The following ZC3H12B variants were observed in gnomAD, a reference collection of about 807,000 sequenced individuals.
ZC3H12B encodes the protein zinc finger CCCH-type containing 12B.
Under a neutral mutation model 43.9 loss-of-function variants are expected in ZC3H12B, and 7 were observed. That is an observed-to-expected ratio of 0.16 (90% confidence interval 0.09 to 0.30). ZC3H12B has a LOEUF of 0.30. Among genes scored for constraint, ZC3H12B ranks in the 10% least tolerant of loss-of-function variants. The pLI, the probability that ZC3H12B is intolerant of heterozygous loss-of-function variation, is 1.00. For synonymous variants in ZC3H12B, 222 were observed against 241.7 expected (o/e 0.92, Z 0.76); for missense variants, 475 against 670.2 (o/e 0.71, Z 3.22).
chrX:65,278,998 A>G, the ZC3H12B span, among the ~76,000 whole-genome samples: 2 of 107,048 alleles, frequency 1.9e-5, no homozygotes, highest in Middle Eastern at 4.2e-3. Flanking sequence ...TTATGGCTGC[A>G]TAGTATTCTA....
the ZC3H12B span, among the ~76,000 whole-genome samples, chrX:65,181,200 A>G: frequency 8.9e-6 from 1 of 112,157 alleles, no homozygotes; most frequent in Non-Finnish European, 1.9e-5. Flanking sequence ...GGCTAGCTAT[A>G]TGCAGAAAAC....
chrX:65,215,501 C>A, the ZC3H12B span, among the ~76,000 whole-genome samples: 8 of 110,472 alleles, frequency 7.2e-5, no homozygotes, highest in Admixed American at 1.9e-4. Flanking sequence ...AACTTTTCTT[C>A]CTCACCTCTC....
the ZC3H12B span, among the ~76,000 whole-genome samples, chrX:65,128,011 G>A: frequency 2.7e-5 from 3 of 111,914 alleles, no homozygotes; most frequent in African/African-American, 9.7e-5. Context: ...GGAGCCTGTA[G>A]CAGTGACCTA....
chrX:65,250,772 G>T, the ZC3H12B span, among the ~76,000 whole-genome samples: 1 of 111,451 alleles, frequency 9.0e-6, no homozygotes, highest in East Asian at 2.8e-4. Flanking sequence ...TTGCCCACTT[G>T]TTGATGGGGT....
At chrX:65,387,597 T>G (rs1163137981) in intron 2 of ZC3H12B, among the ~76,000 whole-genome samples, 1 of 112,183 alleles carries the variant, frequency 8.9e-6, no homozygotes, top group Non-Finnish European at 1.9e-5. Flanking sequence ...TTTATCCAAT[T>G]TGGCAGTCTG....
chrX:65,434,094 G>A (rs781590126), intron 3 of ZC3H12B, among the ~76,000 whole-genome samples: 1 of 111,251 alleles, frequency 9.0e-6, no homozygotes, highest in Non-Finnish European at 1.9e-5. Flanking sequence ...CTTGTCTTTG[G>A]CAGTTGAGTG....
At chrX:65,149,568 C>G in the ZC3H12B span, among the ~76,000 whole-genome samples, 43 of 109,340 alleles carry the variant, frequency 3.9e-4, no homozygotes, top group African/African-American at 1.4e-3. Flanking sequence ...CAAGACCATC[C>G]TGGCTAACAC....
At chrX:65,228,197 G>A in the ZC3H12B span, among the ~76,000 whole-genome samples, 4 of 111,710 alleles carry the variant, frequency 3.6e-5, no homozygotes, top group African/African-American at 9.8e-5. Context: ...GATCAAGTAG[G>A]CTTCATCCCT....
chrX:65,333,466 T>C, the ZC3H12B span, among the ~76,000 whole-genome samples: 1 of 112,164 alleles, frequency 8.9e-6, no homozygotes, highest in South Asian at 3.7e-4. Context: ...TACTCAATTG[T>C]TAAAAGCTGT....
At chrX:65,301,979 T>TA in the ZC3H12B span, among the ~76,000 whole-genome samples, 172 of 105,773 alleles carry the variant, frequency 1.6e-3, 1 homozygote, top group South Asian at 8.1e-3. Flanking sequence ...ATTTATGATT[T>TA]AAAAAAAAAA....
intron 3 of ZC3H12B, among the ~76,000 whole-genome samples, chrX:65,442,841 A>G (rs983599866): frequency 1.8e-5 from 2 of 111,772 alleles, no homozygotes; most frequent in African/African-American, 6.5e-5. Flanking sequence ...GTGTATTCTA[A>G]CAGGGAACTG....
At chrX:65,466,740 A>T (rs1226131679) in intron 3 of ZC3H12B, among the ~76,000 whole-genome samples, 1 of 104,798 alleles carries the variant, frequency 9.5e-6, no homozygotes, top group East Asian at 3.0e-4. Flanking sequence ...GTTGTAGTTC[A>T]TCATACTGAT....
the ZC3H12B span, among the ~76,000 whole-genome samples, chrX:65,063,112 A>G: frequency 1.8e-5 from 2 of 112,076 alleles, no homozygotes; most frequent in Non-Finnish European, 3.8e-5. Flanking sequence ...TCAAACAGAC[A>G]CAATCTGACT....
chrX:65,157,258 G>A, the ZC3H12B span, among the ~76,000 whole-genome samples: 1 of 112,110 alleles, frequency 8.9e-6, no homozygotes, highest in African/African-American at 3.2e-5. Flanking sequence ...TGAGATTACA[G>A]GCATGAGCCA....
chrX:65,179,396 T>G, the ZC3H12B span, among the ~76,000 whole-genome samples: 2 of 92,717 alleles, frequency 2.2e-5, no homozygotes, highest in Non-Finnish European at 3.8e-5. Context: ...TCTCATAACT[T>G]AAAGTTATTT....
the ZC3H12B span, among the ~76,000 whole-genome samples, chrX:65,313,833 T>C: frequency 8.9e-6 from 1 of 111,925 alleles, no homozygotes. Flanking sequence ...AATCAACAGA[T>C]GCCAACTCTG....
At chrX:65,270,934 G>T in the ZC3H12B span, 42 of 111,895 alleles carry the variant, frequency 3.8e-4, no homozygotes, top group African/African-American at 1.3e-3. Flanking sequence ...TACAGGAAAT[G>T]TTCCTATAAA....
the ZC3H12B span, among the ~76,000 whole-genome samples, chrX:65,182,852 C>A: frequency 2.7e-5 from 3 of 111,545 alleles, no homozygotes; most frequent in Non-Finnish European, 5.7e-5. Context: ...TAGAGAAATG[C>A]AAATCAAAAG....
At chrX:65,242,285 G>A in the ZC3H12B span, among the ~76,000 whole-genome samples, 5 of 111,557 alleles carry the variant, frequency 4.5e-5, no homozygotes, top group Non-Finnish European at 9.4e-5. Flanking sequence ...GCTGCGGACG[G>A]CAATTGCTTC....
Sources: gnomAD v4.1 joint callset for allele counts (sites outside exome capture counted in the v4.1 genomes callset) on GRCh38, gnomAD v4.1.1 for gene constraint, MANE v1.5 for transcripts, NCBI Gene and HGNC (gene_info 2026-07-23, HGNC 2026-07-21) for gene names.